The following NEDD4L variants were observed in gnomAD, a reference collection of about 807,000 sequenced individuals.
NEDD4L encodes the protein NEDD4 like E3 ubiquitin protein ligase.
Under a neutral mutation model 148.9 loss-of-function variants are expected in NEDD4L, and 54 were observed. That is an observed-to-expected ratio of 0.36 (90% CI 0.29 to 0.45). The LOEUF (loss-of-function observed/expected upper bound fraction) is 0.45. NEDD4L is among the 20% of genes least tolerant of loss of function. The pLI, the probability that NEDD4L is intolerant of heterozygous loss-of-function variation, is 1.00. For missense variants in NEDD4L, 856 were observed against 1,233.8 expected (o/e 0.69, Z 4.59); for synonymous variants, 433 against 440.7 (o/e 0.98, Z 0.22).
chr18:58,340,916 A>T (rs4149609), intron 13 of NEDD4L, 122 bp from the exon 14 acceptor site: 4 of 1,000,668 alleles, frequency 4.0e-6, no homozygotes, highest in Non-Finnish European at 2.9e-6. Context: ...AGTGTTTTCT[A>T]TATAAATAGA....
chr18:58,192,738 G>A (rs1365374425), intron 2 of NEDD4L, among the ~76,000 whole-genome samples: 3 of 152,016 alleles, frequency 2.0e-5, no homozygotes, highest in Non-Finnish European at 2.9e-5. Context: ...TATTTATGTC[G>A]AAAGGCACTG....
At chr18:58,255,991 T>G in intron 5 of NEDD4L, 1 of 1,230,536 alleles carries the variant, frequency 8.1e-7, no homozygotes, top group Non-Finnish European at 1.0e-6. Context: ...ACGATGGGCC[T>G]CCATGCGCAA....
At chr18:58,312,491 G>A (rs1019826641) in intron 5 of NEDD4L, among the ~76,000 whole-genome samples, 1 of 152,146 alleles carries the variant, frequency 6.6e-6, no homozygotes, top group African/African-American at 2.4e-5. Flanking sequence ...GTGCTGTGAT[G>A]GCCTCAAACG....
intron 13 of NEDD4L, among the ~76,000 whole-genome samples, chr18:58,337,640 C>A (rs1233070979): frequency 6.6e-6 from 1 of 151,824 alleles, no homozygotes; most frequent in African/African-American, 2.4e-5. Context: ...AACTTATGTT[C>A]ATTCTTCTGG....
At chr18:58,297,380 A>G (rs2055792373) in intron 5 of NEDD4L, among the ~76,000 whole-genome samples, 1 of 152,222 alleles carries the variant, frequency 6.6e-6, no homozygotes, top group South Asian at 2.1e-4. Context: ...GTGATTATTG[A>G]GAACATACTA....
chr18:58,319,021 T>C (rs1042807650), intron 6 of NEDD4L, among the ~76,000 whole-genome samples: 5 of 152,252 alleles, frequency 3.3e-5, no homozygotes, highest in African/African-American at 1.2e-4. Flanking sequence ...GCCCTGCCTG[T>C]ACTTGGAGGT....
At chr18:58,068,277 G>C (rs1041733362) in intron 1 of NEDD4L, among the ~76,000 whole-genome samples, 1 of 143,662 alleles carries the variant, frequency 7.0e-6, no homozygotes, top group Non-Finnish European at 1.5e-5. Flanking sequence ...TTGGCTCATT[G>C]CAAACTCCGC....
At position 58,358,883 on chromosome 18, in the gene NEDD4L, T is replaced by A. The variant is rs543945970; in HGVS notation, c.1767+1631T>A. On this transcript the variant is annotated intron_variant, in intron 19 of 30. Transcript: ENST00000400345. The stretch of plus-strand genomic sequence containing the variant: ...AGGGTTGTGCCTATTCATTTTTTTT[T>A]ATTGATTTCTAATTTTATTGCATTA... Among the ~76,000 whole-genome samples the A allele has an allele frequency of 2.6e-4, 39 of 152,316 alleles. 1 individual carries two copies. The highest frequency in any genetic ancestry group is 2.5e-3 in the Admixed American group (38 of 15,304).
intron 1 of NEDD4L, among the ~76,000 whole-genome samples, chr18:58,128,364 T>G (rs1158111283): frequency 1.3e-5 from 2 of 152,182 alleles, no homozygotes; most frequent in Non-Finnish European, 2.9e-5. Flanking sequence ...AAAGTTCTTC[T>G]TATCCCAGGA....
intron 5 of NEDD4L, among the ~76,000 whole-genome samples, chr18:58,261,298 C>T (rs2049345353): frequency 6.6e-6 from 1 of 152,128 alleles, no homozygotes; most frequent in Admixed American, 6.5e-5. Context: ...AACATTTTGG[C>T]TTGCATTTCT....
chr18:58,184,658 G>A (rs2039244166), intron 2 of NEDD4L, among the ~76,000 whole-genome samples: 1 of 152,150 alleles, frequency 6.6e-6, no homozygotes, highest in African/African-American at 2.4e-5. Flanking sequence ...TCTGGGCGTG[G>A]TGGCTCACGC....
chr18:58,081,202 G>A (rs1014526344), intron 1 of NEDD4L, among the ~76,000 whole-genome samples: 3 of 149,154 alleles, frequency 2.0e-5, no homozygotes, highest in African/African-American at 5.0e-5. Context: ...TGAAATTTTG[G>A]AACACCACCC....
chr18:58,251,995 T>G lies in NEDD4L; in HGVS notation c.244-6T>G. 4.6e-6 allele frequency: 7 copies of G among 1,518,760 alleles called. No homozygotes were observed. The highest frequency in any genetic ancestry group is 6.4e-6 in the Non-Finnish European group (7 of 1,093,240). 94.1% of individuals were successfully genotyped at this position (1,518,760 alleles called of 1,614,324 possible). A position where few individuals can be genotyped will look rare whatever the true frequency, so the allele number is the denominator to read the frequency against. ...GTTTAAAAAATACTATTTATGTTCC[T>G]TATAGGTAAACCCATCTAATCACAG... On this transcript the variant is annotated splice_polypyrimidine_tract_variant and splice_region_variant and intron_variant, in intron 4 of 30. Transcript: ENST00000400345.
At position 58,274,313 on chromosome 18, in the gene NEDD4L, C is replaced by T. The variant is rs114366899; in HGVS notation, c.297+22259C>T. On this transcript the variant is annotated intron_variant, in intron 5 of 30. Coordinates refer to ENST00000400345, the MANE Select transcript of NEDD4L (RefSeq NM_001144967.3). ...AAGTTGTAGACTAGTTTGTTAGTGA[C>T]GTATAACCAAAAGAGAGAGTGTACT... 6.1e-3 allele frequency among the ~76,000 whole-genome samples: 929 copies of T among 152,260 alleles called. 6 individuals are homozygous for T. Among genetic ancestry groups the T allele is most frequent in the African/African-American group, 0.021 (882 of 41,526 alleles).
rs774642402 is a variant in NEDD4L at position 58,364,338 on chromosome 18, GTAA to G, written c.1833+7_1833+9del. 3.9e-6 allele frequency: 6 copies of G among 1,541,444 alleles called. No individual in the cohort carries two copies. On this transcript the variant is annotated splice_donor_region_variant and intron_variant, in intron 20 of 30. Coordinates refer to ENST00000400345, the MANE Select transcript of NEDD4L (RefSeq NM_001144967.3). ...AGGAAGAAATTAAAGAAACCTGTGA[GTAA>G]TCATGCCTTCCAAAAATGCTTTGTG...
intron 1 of NEDD4L, among the ~76,000 whole-genome samples, chr18:58,098,304 C>T (rs1043219421): frequency 7.2e-5 from 11 of 152,144 alleles, no homozygotes; most frequent in Admixed American, 3.3e-4. Context: ...TCCCTTTGGT[C>T]ACCCTCTTCA....
At chr18:58,341,633 G>A (rs1173688155) in intron 14 of NEDD4L, 45 bp from the exon 15 acceptor site, 14 of 1,586,228 alleles carry the variant, frequency 8.8e-6, no homozygotes, top group East Asian at 2.3e-5. Flanking sequence ...CACACACACC[G>A]GGAGATCCTC....
intron 1 of NEDD4L, among the ~76,000 whole-genome samples, chr18:58,100,115 G>A (rs1045682629): frequency 1.5e-4 from 23 of 152,072 alleles, no homozygotes; most frequent in African/African-American, 5.1e-4. Context: ...CCTCGGGCTC[G>A]GTAAAGGAAG....
chr18:58,360,925 T>C (rs2045389806), intron 19 of NEDD4L, among the ~76,000 whole-genome samples: 1 of 152,226 alleles, frequency 6.6e-6, no homozygotes, highest in African/African-American at 2.4e-5. Flanking sequence ...ATACCCACTT[T>C]GGCACAGGCT....
Sources: allele counts gnomAD v4.1 joint callset (sites outside exome capture counted in the v4.1 genomes callset), GRCh38; gene constraint gnomAD v4.1.1; transcripts MANE v1.5; gene names NCBI Gene and HGNC (gene_info 2026-07-23, HGNC 2026-07-21).